Variants in NCALD observed in about 807,000 individuals in gnomAD.
NCALD encodes neurocalcin-delta.
In NCALD, 10 loss-of-function variants were observed where a neutral mutation model predicts 18.6. That is an observed-to-expected ratio of 0.54 (90% CI 0.33 to 0.91). NCALD has a LOEUF of 0.91. Among genes scored for constraint, NCALD ranks in the 40% least tolerant of loss-of-function variants. The pLI, the probability that NCALD is intolerant of heterozygous loss-of-function variation, is 0.03. For missense variants in NCALD, 184 were observed against 247.6 expected (o/e 0.74, Z 1.72); for synonymous variants, 88 against 87.4 (o/e 1.01, Z -0.04).
intron 3 of NCALD, among the ~76,000 whole-genome samples, chr8:101,887,687 ATAATG>A (rs1390571891): frequency 2.0e-5 from 3 of 151,428 alleles, no homozygotes; most frequent in African/African-American, 7.3e-5. Context: ...ATATGTTAAA[ATAATG>A]TAATGTATGT....
At chr8:102,089,328 A>G (rs1285586567) in intron 1 of NCALD, among the ~76,000 whole-genome samples, 1 of 151,900 alleles carries the variant, frequency 6.6e-6, no homozygotes, top group Non-Finnish European at 1.5e-5. Context: ...CGGGAGGCGG[A>G]GCTTGCAGTG....
At chr8:101,845,498 G>T (rs1009454724) in intron 4 of NCALD, among the ~76,000 whole-genome samples, 2 of 152,160 alleles carry the variant, frequency 1.3e-5, no homozygotes, top group Admixed American at 6.5e-5. Flanking sequence ...TCCCATTGAA[G>T]CTCAAGGATT....
rs1170821496 is a variant in NCALD, at chr8:102,043,600, G to A, written c.-209-23311C>T. Among the ~76,000 whole-genome samples, 5 of 151,472 alleles carry A rather than the reference G, an allele frequency of 3.3e-5. No individual in the cohort carries two copies. The East Asian group carries it at 9.7e-4, about 29-fold the overall frequency. Reference sequence around the variant, plus strand: ...GGACTTGAAGTATAAAAGGTAAAATGTTAGGCGGTTAGTTAGGAGCTGTTC... The same window carrying A: ...GGACTTGAAGTATAAAAGGTAAAATATTAGGCGGTTAGTTAGGAGCTGTTC... On this transcript the variant is annotated intron_variant, in intron 1 of 6. Transcript: ENST00000311028.
At chr8:102,017,175 A>G (rs1822113260) in intron 2 of NCALD, among the ~76,000 whole-genome samples, 1 of 152,152 alleles carries the variant, frequency 6.6e-6, no homozygotes, top group African/African-American at 2.4e-5. Flanking sequence ...AGGGGAGAGA[A>G]AGATAGAGGT....
chr8:101,689,233 A>G lies in NCALD; in HGVS notation c.*76T>C. 6.8e-7 allele frequency: 1 copy of G among 1,477,226 alleles called. No homozygotes were observed. Among genetic ancestry groups the G allele is most frequent in the Middle Eastern group, 1.7e-4 (1 of 5,742 alleles). 91.5% of individuals were successfully genotyped at this position (1,477,226 alleles called of 1,614,324 possible). On this transcript the variant is annotated 3_prime_UTR_variant, in exon 4 of 4. Coordinates refer to ENST00000220931, the MANE Select transcript of NCALD (RefSeq NM_032041.3). The surrounding 1 kb of genome is among the most constrained non-coding windows in gnomAD (Gnocchi z 4.4). ...TCACCATTGATATTGTTTGGCAAAA[A>G]AAAAAAAAAATTGTTAAAAAGAAGA...
intron 1 of NCALD, among the ~76,000 whole-genome samples, chr8:101,752,059 G>A (rs896670446): frequency 6.6e-6 from 1 of 152,024 alleles, no homozygotes; most frequent in Non-Finnish European, 1.5e-5. Context: ...TAAAGTTTCC[G>A]ATTTTATTAT....
At chr8:101,819,537 G>A in intron 4 of NCALD, among the ~76,000 whole-genome samples, 1 of 151,928 alleles carries the variant, frequency 6.6e-6, no homozygotes, top group East Asian at 1.9e-4. Context: ...ATCCCAGTGA[G>A]ATTATTATTC....
intron 4 of NCALD, among the ~76,000 whole-genome samples, chr8:101,819,642 G>A (rs764346237): frequency 1.3e-5 from 2 of 152,030 alleles, no homozygotes; most frequent in Non-Finnish European, 2.9e-5. Flanking sequence ...GACAGCACCA[G>A]GCCATTTTTG....
intron 2 of NCALD, among the ~76,000 whole-genome samples, chr8:102,013,065 C>A (rs1484017505): frequency 6.6e-6 from 1 of 152,114 alleles, no homozygotes; most frequent in Non-Finnish European, 1.5e-5. Flanking sequence ...CTCTCCTTCT[C>A]AACATTCCTA....
upstream of NCALD, among the ~76,000 whole-genome samples, chr8:101,793,649 A>C (rs1343106861): frequency 6.6e-6 from 1 of 152,170 alleles, no homozygotes; most frequent in Non-Finnish European, 1.5e-5. Flanking sequence ...TACACATGAG[A>C]GCTTTCTCCA....
chr8:101,773,518 T>C (rs1351143233), intron 1 of NCALD, among the ~76,000 whole-genome samples: 1 of 152,142 alleles, frequency 6.6e-6, no homozygotes, highest in Non-Finnish European at 1.5e-5. Context: ...TGGGGTCAGA[T>C]TTAGAATTTT....
At chr8:101,824,801 G>A (rs952827311) in intron 4 of NCALD, among the ~76,000 whole-genome samples, 4 of 152,142 alleles carry the variant, frequency 2.6e-5, no homozygotes, top group Admixed American at 1.3e-4. Context: ...TGTCTGATGT[G>A]AAAAATTTGC....
At chr8:101,915,257 T>C (rs1249309805) in intron 3 of NCALD, among the ~76,000 whole-genome samples, 2 of 152,204 alleles carry the variant, frequency 1.3e-5, no homozygotes, top group Non-Finnish European at 2.9e-5. Flanking sequence ...GGAGTTAGAT[T>C]TGGAGCTAAC....
chr8:101,885,376 C>T (rs557639225), intron 4 of NCALD, among the ~76,000 whole-genome samples: 1 of 152,286 alleles, frequency 6.6e-6, no homozygotes, highest in Admixed American at 6.5e-5. Context: ...CCAAACAGCC[C>T]AGGAAATTTG....
chr8:101,803,559 T>C (rs1483061121), intron 4 of NCALD, among the ~76,000 whole-genome samples: 1 of 152,202 alleles, frequency 6.6e-6, no homozygotes, highest in Non-Finnish European at 1.5e-5. Flanking sequence ...TAGTGATTCC[T>C]CTGATGGATC....
chr8:101,854,709 G>A (rs779837137), intron 4 of NCALD, among the ~76,000 whole-genome samples: 1 of 152,066 alleles, frequency 6.6e-6, no homozygotes, highest in Non-Finnish European at 1.5e-5. Flanking sequence ...CTGAAATTCA[G>A]GGCTAACACA....
intron 2 of NCALD, among the ~76,000 whole-genome samples, chr8:101,971,120 T>C (rs1170951684): frequency 2.0e-5 from 3 of 152,182 alleles, no homozygotes; most frequent in Non-Finnish European, 4.4e-5. Flanking sequence ...CCTGGGACTT[T>C]CCAGACATCA....
intron 2 of NCALD, among the ~76,000 whole-genome samples, chr8:102,009,584 G>C (rs1484299185): frequency 2.0e-5 from 3 of 152,190 alleles, no homozygotes; most frequent in African/African-American, 7.2e-5. Flanking sequence ...AGTCAGTGCT[G>C]GAGCATATAA....
At chr8:101,884,723 C>T (rs1481328283) in intron 4 of NCALD, among the ~76,000 whole-genome samples, 13 of 134,452 alleles carry the variant, frequency 9.7e-5, no homozygotes, top group Admixed American at 7.7e-4. Flanking sequence ...TGTTTTTCAC[C>T]GAATTTATTA....
Sources: gnomAD v4.1 joint callset for allele counts (sites outside exome capture counted in the v4.1 genomes callset) on GRCh38, gnomAD v4.1.1 for gene constraint, Gnocchi (gnomAD v3.1) non-coding constraint, MANE v1.5 for transcripts, NCBI Gene and HGNC (gene_info 2026-07-23, HGNC 2026-07-21) for gene names.